MAGI2: variants seen among roughly 807,000 people sequenced by gnomAD.
The protein encoded by MAGI2 is membrane associated guanylate kinase, WW and PDZ domain containing 2, also known as membrane-associated guanylate kinase, WW and PDZ domain-containing protein 2.
In MAGI2, 35 loss-of-function variants were observed where a neutral mutation model predicts 133.3. That is an observed-to-expected ratio of 0.26 (90% CI 0.20 to 0.35). The LOEUF (loss-of-function observed/expected upper bound fraction) is 0.35. Ranked by LOEUF, MAGI2 falls within the 10% of genes least tolerant of loss-of-function variation. The pLI, the probability that MAGI2 is intolerant of heterozygous loss-of-function variation, is 1.00. For synonymous variants in MAGI2, 729 were observed against 710.6 expected, an observed-to-expected ratio of 1.03 and a Z score of -0.41; for missense variants, 1,636 against 1,863.4, an observed-to-expected ratio of 0.88 and a Z score of 2.25.
chr7:78,539,340 A>G (rs888046015), intron 3 of MAGI2, among the ~76,000 whole-genome samples: 4 of 150,800 alleles, frequency 2.7e-5, no homozygotes, highest in Non-Finnish European at 5.9e-5. Flanking sequence ...ATGTTAAAAC[A>G]TCCTTTCATC....
intron 1 of MAGI2, among the ~76,000 whole-genome samples, chr7:79,092,339 T>G (rs1279903223): frequency 2.6e-5 from 4 of 152,188 alleles, no homozygotes; most frequent in Non-Finnish European, 5.9e-5. Flanking sequence ...ACATCTGACA[T>G]AACTATAATG....
At chr7:78,291,171 T>G (rs991730796) in intron 9 of MAGI2, among the ~76,000 whole-genome samples, 42 of 151,644 alleles carry the variant, frequency 2.8e-4, no homozygotes, top group African/African-American at 9.4e-4. Context: ...TCAACAAAAC[T>G]GATAGACCGC....
intron 6 of MAGI2, among the ~76,000 whole-genome samples, chr7:78,392,762 G>A (rs543492663): frequency 2.8e-4 from 42 of 152,294 alleles, no homozygotes; most frequent in African/African-American, 9.4e-4. Context: ...TCCTGCCTCA[G>A]CCTCCTGAGT....
chr7:78,119,916 T>C (rs575741720), intron 20 of MAGI2, among the ~76,000 whole-genome samples: 1 of 152,310 alleles, frequency 6.6e-6, no homozygotes, highest in East Asian at 1.9e-4. Flanking sequence ...AAAAAGTACC[T>C]GAGAATCAGT....
intron 2 of MAGI2, among the ~76,000 whole-genome samples, chr7:78,774,025 A>G (rs974089416): frequency 6.6e-6 from 1 of 152,282 alleles, no homozygotes; most frequent in South Asian, 2.1e-4. Context: ...AAGAATATCT[A>G]TTTTTAAGCA....
chr7:79,200,926 C>T (rs775699709), intron 1 of MAGI2, among the ~76,000 whole-genome samples: 1 of 151,926 alleles, frequency 6.6e-6, no homozygotes, highest in Non-Finnish European at 1.5e-5. Context: ...TGAGAGGCTG[C>T]CATAGGGTTC....
At chr7:79,001,929 T>A (rs1341603817) in intron 2 of MAGI2, among the ~76,000 whole-genome samples, 1 of 152,192 alleles carries the variant, frequency 6.6e-6, no homozygotes, top group Non-Finnish European at 1.5e-5. Context: ...TCCCATGTGA[T>A]GGATGTTCTA....
At chr7:78,863,320 T>C (rs1794298612) in intron 2 of MAGI2, among the ~76,000 whole-genome samples, 2 of 152,172 alleles carry the variant, frequency 1.3e-5, no homozygotes, top group African/African-American at 4.8e-5. Context: ...GCTTATGACT[T>C]TTCTGGCTGA....
chr7:78,078,879 A>C (rs1252882486), intron 21 of MAGI2, 68 bp downstream of exon 21: 3 of 1,588,540 alleles, frequency 1.9e-6, no homozygotes, highest in Non-Finnish European at 2.6e-6. Context: ...GTAGTTTTAT[A>C]AATAACCATA....
intron 21 of MAGI2, among the ~76,000 whole-genome samples, chr7:78,070,472 G>T (rs13307487): frequency 6.8e-6 from 1 of 146,214 alleles, no homozygotes. Flanking sequence ...ATATATGTGT[G>T]TATATATATG....
intron 10 of MAGI2, among the ~76,000 whole-genome samples, chr7:78,220,678 CT>C (rs1482143069): frequency 6.6e-6 from 1 of 152,006 alleles, no homozygotes; most frequent in Admixed American, 6.5e-5. Flanking sequence ...CATTAAGTAA[CT>C]TGACCATGAG....
chr7:79,107,812 T>G (rs890515611), intron 1 of MAGI2, among the ~76,000 whole-genome samples: 1 of 152,216 alleles, frequency 6.6e-6, no homozygotes, highest in Non-Finnish European at 1.5e-5. Context: ...CTGGGCACCC[T>G]CTTAACACTT....
At chr7:78,977,389 G>A (rs1804354301) in intron 2 of MAGI2, among the ~76,000 whole-genome samples, 1 of 150,782 alleles carries the variant, frequency 6.6e-6, no homozygotes, top group Non-Finnish European at 1.5e-5. Flanking sequence ...CAGAATGAAA[G>A]ACAGAAAGAG....
At chr7:78,635,497 G>C (rs1809528872) in intron 2 of MAGI2, among the ~76,000 whole-genome samples, 1 of 152,234 alleles carries the variant, frequency 6.6e-6, no homozygotes, top group Non-Finnish European at 1.5e-5. Flanking sequence ...TTGCCGCATG[G>C]CAGGTACCCA....
At position 78,324,153 on chromosome 7, in the gene MAGI2, C is replaced by CACACT. The variant is rs143726218; in HGVS notation, c.1408+19620_1408+19624dup. On this transcript the variant is annotated intron_variant, in intron 9 of 21. Transcript: ENST00000354212. The stretch of plus-strand genomic sequence containing the variant: ...CACTACACTACACTACACTACACTA[C>CACACT]ACACTACACTACACTACACACTACA... Among the ~76,000 whole-genome samples the CACACT allele has an allele frequency of 9.0e-4, 130 of 144,406 alleles. 1 individual carries two copies. The highest frequency in any genetic ancestry group is 1.6e-3 in the Non-Finnish European group (102 of 65,392). 94.7% of individuals were successfully genotyped at this position (144,406 alleles called of 152,430 possible). A position where few individuals can be genotyped will look rare whatever the true frequency, so the allele number is the denominator to read the frequency against.
At chr7:78,162,524 C>CAAAAAA (rs773765110) in intron 15 of MAGI2, among the ~76,000 whole-genome samples, 6 of 54,654 alleles carry the variant, frequency 1.1e-4, no homozygotes, top group Admixed American at 2.1e-4. Context: ...GACTCTGCCT[C>CAAAAAA]AAAAAAAAAA....
chr7:78,852,803 T>A (rs1793255991), intron 2 of MAGI2, among the ~76,000 whole-genome samples: 1 of 152,102 alleles, frequency 6.6e-6, no homozygotes, highest in East Asian at 1.9e-4. Context: ...GAAATTTAAG[T>A]GATTTAGCAG....
chr7:78,075,203 A>G (rs1451344976), intron 21 of MAGI2, among the ~76,000 whole-genome samples: 1 of 152,026 alleles, frequency 6.6e-6, no homozygotes, highest in Admixed American at 6.5e-5. Flanking sequence ...TTGAGCAGCA[A>G]TGTCACACAT....
At chr7:78,554,374 T>C (rs1326853146) in intron 3 of MAGI2, among the ~76,000 whole-genome samples, 1 of 152,214 alleles carries the variant, frequency 6.6e-6, no homozygotes, top group African/African-American at 2.4e-5. Context: ...TTGTGAACCT[T>C]ACATAAATCT....
Sources: allele counts gnomAD v4.1 joint callset (sites outside exome capture counted in the v4.1 genomes callset), GRCh38; gene constraint gnomAD v4.1.1; transcripts MANE v1.5; gene names NCBI Gene and HGNC (gene_info 2026-07-23, HGNC 2026-07-21).